The following ATP13A2 variants were observed in gnomAD, a reference collection of about 807,000 sequenced individuals.
ATP13A2 encodes polyamine-transporting ATPase 13A2.
ATP13A2 carries 83 observed loss-of-function variants against 138.3 expected under a neutral mutation model. That is an observed-to-expected ratio of 0.60 (90% CI 0.50 to 0.72). The LOEUF (loss-of-function observed/expected upper bound fraction) is 0.72. Among genes scored for constraint, ATP13A2 ranks in the 30% least tolerant of loss-of-function variants. ATP13A2 has a pLI of 0.00. For synonymous variants in ATP13A2, 663 were observed against 699.0 expected (o/e 0.95, Z 0.81); for missense variants, 1,402 against 1,606.4 (o/e 0.87, Z 2.17).
At position 16,993,821 on chromosome 1, in the gene ATP13A2, A is replaced by G. The variant is rs2077020827; in HGVS notation, c.1557T>C (p.Thr519=). The G allele has an allele frequency of 6.4e-7, 1 of 1,564,420 alleles. No homozygotes were observed. Among genetic ancestry groups the G allele is most frequent in the Non-Finnish European group, 8.7e-7 (1 of 1,154,876 alleles). Residue 519 remains threonine, a synonymous_variant, in exon 16 of 29, where the codon ACT becomes ACC. Coordinates refer to ENST00000326735, the MANE Select transcript of ATP13A2 (RefSeq NM_022089.4). ...LVCFDKTGTL[T]EDGLDVMGVV... ...CCCCCATCACGTCTAAGCCGTCCTC[A>G]GTGAGGGTGCCCGTCTGTGGGAGAC...
chr1:17,009,387 C>T (rs1163025230), intron 1 of ATP13A2, among the ~76,000 whole-genome samples: 1 of 116,502 alleles, frequency 8.6e-6, no homozygotes, highest in Non-Finnish European at 1.7e-5. Flanking sequence ...GAGCCTCTTC[C>T]TTTTTTTTTT....
intron 1 of ATP13A2, among the ~76,000 whole-genome samples, chr1:17,006,195 T>C (rs2077553948): frequency 6.6e-6 from 1 of 151,586 alleles, no homozygotes; most frequent in South Asian, 2.1e-4. Flanking sequence ...AGCCCAAAGC[T>C]CATGTCTTCC....
At chr1:16,990,095 G>A in intron 21 of ATP13A2, 32 bp downstream of exon 21, 1 of 1,614,160 alleles carries the variant, frequency 6.2e-7, no homozygotes, top group Non-Finnish European at 8.5e-7. Context: ...GTCACTGGGT[G>A]AGGTACAGCT....
At position 17,011,356 on chromosome 1, in the gene ATP13A2, C is replaced by A. The variant is rs979006220; in HGVS notation, c.10+373G>T. On this transcript the variant is annotated intron_variant, in intron 1 of 28. Transcript: ENST00000326735. The surrounding 1 kb of genome is among the most constrained non-coding windows in gnomAD (Gnocchi z 7.3). ...GGCCCGAGGATGCAGCCGTCTCCCC[C>A]ACCTGGACATCCGTCACTCGGGGTG... 1.3e-5 allele frequency among the ~76,000 whole-genome samples: 2 copies of A among 152,184 alleles called. No individual in the cohort carries two copies. The highest frequency in any genetic ancestry group is 6.5e-5 in the Admixed American group (1 of 15,282).
At position 16,986,737 on chromosome 1, in the gene ATP13A2, G is replaced by T; in HGVS notation, c.3235+68C>A. ...CTCGGCCGGCACCTCTCTCCCATCT[G>T]CCTCCCCAGCACCCCAGGGCTCCTC... On this transcript the variant is annotated intron_variant, in intron 27 of 28. Transcript: ENST00000326735. This position sits in a 1 kb window ranked among gnomAD's most constrained non-coding sequence, Gnocchi z 6.9. The T allele has an allele frequency of 6.3e-7, 1 of 1,579,240 alleles. No individual in the cohort carries two copies. Among genetic ancestry groups the T allele is most frequent in the Non-Finnish European group, 8.6e-7 (1 of 1,166,578 alleles).
At chr1:16,991,211 A>G (rs535395305) in intron 20 of ATP13A2, among the ~76,000 whole-genome samples, 1 of 152,158 alleles carries the variant, frequency 6.6e-6, no homozygotes, top group East Asian at 1.9e-4. Flanking sequence ...TCGGCCTCCC[A>G]AAGTGCTGGG....
Position 17,005,547 on chromosome 1 carries a change from C to A in ATP13A2, c.115G>T (p.Gly39Cys). The A allele has an allele frequency of 6.2e-7, 1 of 1,614,230 alleles. No homozygotes were observed. Among genetic ancestry groups the A allele is most frequent in the Non-Finnish European group, 8.5e-7 (1 of 1,180,042 alleles). Residue 39 changes from glycine (G) to cysteine (C), a missense_variant, in exon 3 of 29, where the codon GGC becomes TGC. By Grantham distance (159) the Gly-to-Cys change is radical. Coordinates refer to ENST00000326735, the MANE Select transcript of ATP13A2 (RefSeq NM_022089.4). ...SSSVSSVRLS[G>C]YCGSPWRVIG... Reference sequence around the variant, plus strand: ...ACCCTCCATGGACTGCCACAGTAGCCGCTGAGCCTCTGCGAACGCAGCGAG... The same window carrying A: ...ACCCTCCATGGACTGCCACAGTAGCAGCTGAGCCTCTGCGAACGCAGCGAG...
In ATP13A2 at chr1:16,987,166, C is replaced by T. The variant is rs1343218883; in HGVS notation, c.2963G>A (p.Gly988Glu). Residue 988 changes from glycine (G) to glutamate (E), a missense_variant, in exon 26 of 29, where the codon GGA becomes GAA. Coordinates refer to ENST00000326735, the MANE Select transcript of ATP13A2 (RefSeq NM_022089.4). ...MSRTGPALVLGRVRPPGALLS... is the reference protein window; with the variant it reads ...MSRTGPALVLERVRPPGALLS... ...CAGCGCCCCCGGTGGCCGCACCCGT[C>T]CCAGGACCAGCGCTGGCCCCGTGCG... The T allele has an allele frequency of 2.5e-6, 4 of 1,613,290 alleles. No homozygotes were observed. The East Asian group carries it at 6.7e-5, about 27-fold the overall frequency.
intron 1 of ATP13A2, 68 bp from the exon 2 acceptor site, chr1:17,005,846 A>C: frequency 6.8e-7 from 1 of 1,467,942 alleles, no homozygotes; most frequent in Non-Finnish European, 9.3e-7. Context: ...AAAAACAATA[A>C]ACATCAGCCT....
chr1:16,993,110 T>C (rs564870466), intron 16 of ATP13A2, among the ~76,000 whole-genome samples: 2 of 152,174 alleles, frequency 1.3e-5, no homozygotes, highest in South Asian at 4.2e-4. Flanking sequence ...ACAGACGGGG[T>C]TTCACTATGT....
At chr1:17,009,734 G>A (rs894870028) in intron 1 of ATP13A2, among the ~76,000 whole-genome samples, 1 of 152,088 alleles carries the variant, frequency 6.6e-6, no homozygotes, top group Non-Finnish European at 1.5e-5. Flanking sequence ...CAAAAAGAGG[G>A]CAGAGTCCCC....
chr1:16,989,174 C>T (rs2076837095), intron 23 of ATP13A2, among the ~76,000 whole-genome samples: 1 of 152,076 alleles, frequency 6.6e-6, no homozygotes, highest in African/African-American at 2.4e-5. Context: ...CCTCAGCCTC[C>T]CAAAGCGCTG....
At position 17,000,509 on chromosome 1, in the gene ATP13A2, T is replaced by G; in HGVS notation, c.731A>C (p.Gln244Pro). The change falls in exon 9 of 29, where the codon CAG becomes CCG. Residue 244 changes from glutamine to proline, a missense_variant. Physicochemically the swap from Gln to Pro is moderately conservative, Grantham distance 76. Coordinates refer to ENST00000326735, the MANE Select transcript of ATP13A2 (RefSeq NM_022089.4). Reference protein sequence around the residue: ...DEALNPYYGFQAFSIALWLAD... With the variant: ...DEALNPYYGFPAFSIALWLAD... ...CAGCCACAGCGCGATGCTGAAGGCCTGGAACCCATAGTAGGGGTTCAGTGC... is the reference window on the plus strand; with the variant it reads ...CAGCCACAGCGCGATGCTGAAGGCCGGGAACCCATAGTAGGGGTTCAGTGC... 1 of 1,614,032 alleles carries G rather than the reference T, an allele frequency of 6.2e-7. No individual in the cohort carries two copies. The highest frequency in any genetic ancestry group is 8.5e-7 in the Non-Finnish European group (1 of 1,179,964).
chr1:17,007,363 G>C (rs1164756469), intron 1 of ATP13A2, among the ~76,000 whole-genome samples: 6 of 152,094 alleles, frequency 3.9e-5, no homozygotes, highest in Non-Finnish European at 8.8e-5. Flanking sequence ...GCAGATGCCA[G>C]GGCCCTCCCC....
intron 11 of ATP13A2, among the ~76,000 whole-genome samples, chr1:16,997,788 C>CCGAGAT (rs2077196377): frequency 6.6e-6 from 1 of 150,518 alleles, no homozygotes; most frequent in African/African-American, 2.4e-5. Flanking sequence ...TTGCAGTGAG[C>CCGAGAT]CGAGATCGTG....
Position 17,004,452 on chromosome 1 carries a change from C to A in ATP13A2, c.478-41G>T. The stretch of plus-strand genomic sequence containing the variant: ...GAGAGGATGGGTTGGAAGCTGGCCC[C>A]GGCCCCAGAAGCAGTGTGCTTATGC... On this transcript the variant is annotated intron_variant, in intron 5 of 28. Coordinates refer to ENST00000326735, the MANE Select transcript of ATP13A2 (RefSeq NM_022089.4). The surrounding 1 kb of genome is among the most constrained non-coding windows in gnomAD (Gnocchi z 4.1). The A allele has an allele frequency of 6.2e-7, 1 of 1,606,592 alleles. No homozygotes were observed. The highest frequency in any genetic ancestry group is 8.5e-7 in the Non-Finnish European group (1 of 1,174,932).
chr1:16,999,998 G>A lies in ATP13A2; in HGVS notation c.1039+13C>T. 1 of 1,598,016 alleles carries A rather than the reference G, an allele frequency of 6.3e-7. No homozygotes were observed. Among genetic ancestry groups the A allele is most frequent in the Non-Finnish European group, 8.5e-7 (1 of 1,170,882 alleles). Reference sequence around the variant, plus strand: ...GGAGGAAGGAAGCTGCAGGCCAGGGGCTGGGGGCTCACCTGTCAGAGAGCT... The same window carrying A: ...GGAGGAAGGAAGCTGCAGGCCAGGGACTGGGGGCTCACCTGTCAGAGAGCT... On this transcript the variant is annotated intron_variant, in intron 11 of 28. Transcript: ENST00000326735.
chr1:17,000,021 G>A lies in ATP13A2; in HGVS notation c.1029C>T (p.Ser343=). The A allele has an allele frequency of 6.2e-7, 1 of 1,608,944 alleles. No homozygotes were observed. Among genetic ancestry groups the A allele is most frequent in the Non-Finnish European group, 8.5e-7 (1 of 1,177,460 alleles). The change falls in exon 11 of 29, where the codon AGC becomes AGT. Residue 343 remains serine, a synonymous_variant. Transcript: ENST00000326735. The part of the protein sequence containing the change: ...LVAGECMVNE[S]SLTGESIPVL... ...GGGCTGGGGGCTCACCTGTCAGAGA[G>A]CTCTCATTCACCATGCACTCGCCGG...
chr1:16,989,034 GC>G (rs1234190875), intron 23 of ATP13A2, among the ~76,000 whole-genome samples: 1 of 151,572 alleles, frequency 6.6e-6, no homozygotes, highest in Non-Finnish European at 1.5e-5. Flanking sequence ...AGTGCCCTCA[GC>G]CTCTTGAGTA....
Sources: allele counts gnomAD v4.1 joint callset (sites outside exome capture counted in the v4.1 genomes callset), GRCh38; gene constraint gnomAD v4.1.1; non-coding constraint Gnocchi (gnomAD v3.1); transcripts MANE v1.5; gene names NCBI Gene and HGNC (gene_info 2026-07-23, HGNC 2026-07-21).